Variants in CCSER1 observed in about 807,000 individuals in gnomAD.
The protein encoded by CCSER1 is coiled-coil serine rich protein 1, also known as serine-rich coiled-coil domain-containing protein 1.
In CCSER1, 41 loss-of-function variants were observed where a neutral mutation model predicts 82.0. That is an observed-to-expected ratio of 0.50 (90% CI 0.39 to 0.65). The LOEUF (loss-of-function observed/expected upper bound fraction) is 0.65. Among genes scored for constraint, CCSER1 ranks in the 30% least tolerant of loss-of-function variants. The probability of loss-of-function intolerance (pLI) is 0.00; values close to 1 mark genes in which losing one functional copy is unlikely to be tolerated. For synonymous variants in CCSER1, 414 were observed against 383.9 expected (o/e 1.08, Z -0.92); for missense variants, 1,119 against 1,064.2 (o/e 1.05, Z -0.72).
intron 7 of CCSER1, among the ~76,000 whole-genome samples, chr4:90,777,373 A>T (rs1217361351): frequency 1.3e-5 from 2 of 151,196 alleles, no homozygotes; most frequent in Non-Finnish European, 3.0e-5. Context: ...AAAAAAAAAA[A>T]AAAGCCTGTA....
chr4:91,183,953 A>G (rs1734286395), intron 10 of CCSER1, among the ~76,000 whole-genome samples: 1 of 152,210 alleles, frequency 6.6e-6, no homozygotes, highest in South Asian at 2.1e-4. Flanking sequence ...TTTGAAAGTC[A>G]TTTAATGTTT....
intron 10 of CCSER1, among the ~76,000 whole-genome samples, chr4:91,114,349 A>G (rs1273191604): frequency 6.6e-6 from 1 of 152,100 alleles, no homozygotes; most frequent in Non-Finnish European, 1.5e-5. Flanking sequence ...AATTATGTTG[A>G]TAATGTGACT....
chr4:90,391,037 A>G (rs1276060384), intron 3 of CCSER1, among the ~76,000 whole-genome samples: 7 of 149,282 alleles, frequency 4.7e-5, no homozygotes, highest in Non-Finnish European at 4.5e-5. Context: ...GCTGAGGCGG[A>G]CAGATCACCT....
chr4:90,584,851 T>C (rs1474239579), intron 5 of CCSER1, among the ~76,000 whole-genome samples: 1 of 152,184 alleles, frequency 6.6e-6, no homozygotes, highest in Non-Finnish European at 1.5e-5. Context: ...ACAAAATCTT[T>C]TTTTTAAAAA....
chr4:91,421,740 G>GA (rs1246856627), intron 10 of CCSER1, among the ~76,000 whole-genome samples: 7 of 150,530 alleles, frequency 4.7e-5, no homozygotes, highest in African/African-American at 1.7e-4. Flanking sequence ...TGGCCGCACT[G>GA]TACACCTTCA....
At chr4:91,475,193 G>A (rs993117750) in intron 10 of CCSER1, among the ~76,000 whole-genome samples, 9 of 151,840 alleles carry the variant, frequency 5.9e-5, no homozygotes, top group Admixed American at 1.3e-4. Context: ...GTTTGTGTGT[G>A]TGTTTAATGT....
At chr4:90,918,351 T>A in intron 8 of CCSER1, 1 of 427,224 alleles carries the variant, frequency 2.3e-6, no homozygotes, top group Non-Finnish European at 4.6e-6. Context: ...AAATTTGGGA[T>A]AAATTGGACT....
intron 9 of CCSER1, among the ~76,000 whole-genome samples, chr4:90,988,098 C>A (rs1736715881): frequency 6.6e-6 from 1 of 151,516 alleles, no homozygotes; most frequent in Admixed American, 6.6e-5. Flanking sequence ...AGGAGAATCA[C>A]TTGGGCCTAG....
At chr4:90,414,264 TA>T (rs1233393704) in intron 4 of CCSER1, among the ~76,000 whole-genome samples, 3 of 151,402 alleles carry the variant, frequency 2.0e-5, no homozygotes. Context: ...AATTCTAATA[TA>T]AAGGCTAAGG....
intron 9 of CCSER1, among the ~76,000 whole-genome samples, chr4:91,059,400 T>C (rs1457904391): frequency 2.5e-5 from 3 of 122,236 alleles, no homozygotes; most frequent in Non-Finnish European, 5.4e-5. Context: ...TTGGTTATTT[T>C]GTGGTTTGTT....
At chr4:91,130,002 T>G (rs1727861441) in intron 10 of CCSER1, 1 of 151,990 alleles carries the variant, frequency 6.6e-6, no homozygotes, top group South Asian at 2.1e-4. Flanking sequence ...TATTAAAGGC[T>G]GTGGATCACA....
intron 3 of CCSER1, among the ~76,000 whole-genome samples, chr4:90,373,346 C>T (rs1280245620): frequency 6.6e-6 from 1 of 151,900 alleles, no homozygotes; most frequent in East Asian, 1.9e-4. Flanking sequence ...TAAAAAATCA[C>T]CTTGATTTAC....
chr4:91,475,001 G>A (rs1384008058), intron 10 of CCSER1, among the ~76,000 whole-genome samples: 1 of 151,568 alleles, frequency 6.6e-6, no homozygotes, highest in Non-Finnish European at 1.5e-5. Flanking sequence ...AATAAAGGTG[G>A]GTTAGGGTCA....
intron 10 of CCSER1, among the ~76,000 whole-genome samples, chr4:91,141,478 G>A (rs1001798642): frequency 6.6e-6 from 1 of 152,076 alleles, no homozygotes; most frequent in African/African-American, 2.4e-5. Flanking sequence ...TTATGATGGT[G>A]TAGTGTCTCA....
chr4:91,442,348 C>T (rs960112743), intron 10 of CCSER1, among the ~76,000 whole-genome samples: 7 of 152,014 alleles, frequency 4.6e-5, no homozygotes, highest in Admixed American at 2.0e-4. Context: ...CTTTGACAAA[C>T]CTGACAAAAA....
intron 8 of CCSER1, among the ~76,000 whole-genome samples, chr4:90,909,059 C>T (rs568952375): frequency 6.6e-6 from 1 of 152,150 alleles, no homozygotes; most frequent in East Asian, 1.9e-4. Flanking sequence ...GTCTTCTTGA[C>T]CTCTTTTAGC....
intron 3 of CCSER1, among the ~76,000 whole-genome samples, chr4:90,345,073 A>G (rs1203735514): frequency 1.3e-5 from 2 of 152,134 alleles, no homozygotes; most frequent in Non-Finnish European, 2.9e-5. Flanking sequence ...TTTCCATTAA[A>G]AGAGTTGGCA....
intron 4 of CCSER1, among the ~76,000 whole-genome samples, chr4:90,432,281 C>CA (rs1241563326): frequency 6.6e-6 from 1 of 151,812 alleles, no homozygotes; most frequent in Non-Finnish European, 1.5e-5. Flanking sequence ...ATTTGTTGTT[C>CA]AAAAAAATGA....
chr4:91,541,698 G>C (rs1179606722), intron 10 of CCSER1, among the ~76,000 whole-genome samples: 1 of 152,240 alleles, frequency 6.6e-6, no homozygotes, highest in Admixed American at 6.5e-5. Context: ...ACGTGTGCAT[G>C]TGTCTTTATA....
Sources: gnomAD v4.1 joint callset for allele counts (sites outside exome capture counted in the v4.1 genomes callset) on GRCh38, gnomAD v4.1.1 for gene constraint, MANE v1.5 for transcripts, NCBI Gene and HGNC (gene_info 2026-07-23, HGNC 2026-07-21) for gene names.